Variants in TEX2 observed in about 807,000 individuals in gnomAD.
TEX2 encodes the protein testis expressed 2, also known as testis-expressed protein 2.
A neutral mutation model predicts 106.9 loss-of-function variants in TEX2; 53 were observed. That is an observed-to-expected ratio of 0.50 (90% CI 0.40 to 0.62). The LOEUF (loss-of-function observed/expected upper bound fraction) is 0.62. Ranked by LOEUF, TEX2 falls within the 20% of genes least tolerant of loss-of-function variation. The pLI is 0.00. For synonymous variants in TEX2, 523 were observed against 534.8 expected (o/e 0.98, Z 0.30); for missense variants, 1,207 against 1,379.0 (o/e 0.88, Z 1.98).
chr17:64,183,608 A>G (rs1262375189), intron 5 of TEX2, among the ~76,000 whole-genome samples: 1 of 151,990 alleles, frequency 6.6e-6, no homozygotes, highest in East Asian at 1.9e-4. Context: ...TTGTATTTTT[A>G]ATAGAGATGG....
At chr17:64,199,389 A>C (rs952389606) in intron 2 of TEX2, among the ~76,000 whole-genome samples, 2 of 152,108 alleles carry the variant, frequency 1.3e-5, no homozygotes, top group Admixed American at 1.3e-4. Context: ...GGTGTGTGCC[A>C]CCACGCCCGG....
intron 1 of TEX2, among the ~76,000 whole-genome samples, chr17:64,258,764 T>A (rs1598238022): frequency 1.7e-4 from 1 of 6,028 alleles, no homozygotes; most frequent in South Asian, 4.2e-3. Flanking sequence ...GAAGAGAGAC[T>A]TTTTTTTTTT....
In TEX2 at chr17:64,195,453, A is replaced by T. The variant is rs1356500184; in HGVS notation, c.1645-358T>A. ...GACCTCCTTTGGGGTGATTAATCCC[A>T]CCCAGTCTGGCCTTCTTAATTAGCT... On this transcript the variant is annotated intron_variant, in intron 2 of 11. Coordinates refer to ENST00000584379, the MANE Select transcript of TEX2 (RefSeq NM_001288732.2). This position sits in a 1 kb window ranked among gnomAD's most constrained non-coding sequence, Gnocchi z 4.1. Among the ~76,000 whole-genome samples the T allele has an allele frequency of 1.3e-5, 2 of 152,168 alleles. No homozygotes were observed. Among genetic ancestry groups the T allele is most frequent in the Non-Finnish European group, 2.9e-5 (2 of 68,028 alleles).
intron 1 of TEX2, among the ~76,000 whole-genome samples, chr17:64,224,818 T>A (rs1598202948): frequency 6.6e-6 from 1 of 152,106 alleles, no homozygotes; most frequent in East Asian, 1.9e-4. Flanking sequence ...AATTTTGCTT[T>A]ATAGATTGCT....
At chr17:64,253,401 G>A (rs1256611054) in intron 1 of TEX2, among the ~76,000 whole-genome samples, 2 of 151,062 alleles carry the variant, frequency 1.3e-5, no homozygotes, top group Non-Finnish European at 2.9e-5. Flanking sequence ...CTGGGCTCAG[G>A]CAGTCCTCCC....
chr17:64,214,277 G>C (rs1313902359), intron 1 of TEX2, 35 bp from the exon 2 acceptor site: 1 of 1,543,866 alleles, frequency 6.5e-7, no homozygotes, highest in Non-Finnish European at 8.8e-7. Flanking sequence ...AAGTCAGAGA[G>C]CAGTTTCTCC....
chr17:64,190,494 A>G (rs2032255740), intron 4 of TEX2, among the ~76,000 whole-genome samples: 1 of 151,246 alleles, frequency 6.6e-6, no homozygotes, highest in African/African-American at 2.4e-5. Flanking sequence ...GAGGAAAGGA[A>G]CCCCCTACGA....
Position 64,216,837 on chromosome 17 carries a change from G to A in TEX2, c.-25-2595C>T, listed in dbSNP as rs543577052. Among the ~76,000 whole-genome samples the A allele has an allele frequency of 4.6e-5, 7 of 152,230 alleles. No homozygotes were observed. In the South Asian group the frequency reaches 6.2e-4, roughly 14 times the overall value. ...AAAGCGACCTCTGATCAGACTGGGC[G>A]GACAGAGCTGAAGGTGGGCCCCAGG... On this transcript the variant is annotated intron_variant, in intron 1 of 11. Coordinates refer to ENST00000584379, the MANE Select transcript of TEX2 (RefSeq NM_001288732.2).
chr17:64,169,741 C>T (rs1439551670), intron 7 of TEX2, among the ~76,000 whole-genome samples: 1 of 152,206 alleles, frequency 6.6e-6, no homozygotes, highest in African/African-American at 2.4e-5. Flanking sequence ...CCATCTGATA[C>T]AGCCAGAGAG....
intron 5 of TEX2, among the ~76,000 whole-genome samples, chr17:64,180,168 T>C (rs1202174039): frequency 3.9e-5 from 6 of 152,206 alleles, no homozygotes; most frequent in Non-Finnish European, 8.8e-5. Flanking sequence ...ACTAAGTTGC[T>C]GCCCACGTAA....
At chr17:64,170,622 CTTTTTTTTTTT>C (rs71156002) in intron 7 of TEX2, among the ~76,000 whole-genome samples, 3 of 73,740 alleles carry the variant, frequency 4.1e-5, no homozygotes, top group Non-Finnish European at 7.1e-5. Context: ...TATTCCAAAT[CTTTTTTTTTTT>C]TTTTTTTTTT....
chr17:64,215,984 G>A (rs2033175412), intron 1 of TEX2, among the ~76,000 whole-genome samples: 1 of 152,182 alleles, frequency 6.6e-6, no homozygotes, highest in Non-Finnish European at 1.5e-5. Context: ...GGGCCCAGCT[G>A]CAACATGGAC....
chr17:64,179,328 C>G (rs9915286), intron 5 of TEX2, among the ~76,000 whole-genome samples: 108,176 of 151,894 alleles, frequency 0.71, 38,614 homozygotes, highest in East Asian at 0.83. Context: ...AGTAGCCAAT[C>G]GCAGAGAGGA....
chr17:64,251,080 G>A (rs1567969930), intron 1 of TEX2, among the ~76,000 whole-genome samples: 1 of 152,204 alleles, frequency 6.6e-6, no homozygotes, highest in South Asian at 2.1e-4. Flanking sequence ...TTTTCCTTTG[G>A]GGCTAGGTGC....
chr17:64,172,676 C>T (rs1252535063), intron 6 of TEX2, among the ~76,000 whole-genome samples: 2 of 152,178 alleles, frequency 1.3e-5, no homozygotes, highest in African/African-American at 4.8e-5. Flanking sequence ...AGTAACAGCT[C>T]CCACTTCTGC....
At chr17:64,156,551 C>T (rs1320810230) in intron 8 of TEX2, among the ~76,000 whole-genome samples, 1 of 152,188 alleles carries the variant, frequency 6.6e-6, no homozygotes, top group Non-Finnish European at 1.5e-5. Flanking sequence ...AGGCAGCCCT[C>T]ACAGGAATCT....
intron 2 of TEX2, among the ~76,000 whole-genome samples, chr17:64,204,026 T>C (rs2032753829): frequency 6.6e-6 from 1 of 152,258 alleles, no homozygotes; most frequent in Non-Finnish European, 1.5e-5. Context: ...TGATCTCAGA[T>C]GAACCACTGA....
chr17:64,238,128 C>T (rs1355316674), intron 1 of TEX2, among the ~76,000 whole-genome samples: 1 of 151,996 alleles, frequency 6.6e-6, no homozygotes, highest in Admixed American at 6.5e-5. Flanking sequence ...GGTGAAACCC[C>T]GTCTCTACTA....
Position 64,205,084 on chromosome 17 carries a change from G to A in TEX2, c.1644+7490C>T, listed in dbSNP as rs1326115940. On this transcript the variant is annotated intron_variant, in intron 2 of 11. Coordinates refer to ENST00000584379, the MANE Select transcript of TEX2 (RefSeq NM_001288732.2). The surrounding 1 kb of genome is among the most constrained non-coding windows in gnomAD (Gnocchi z 4.0). ...TGTTCCTATGGAATTCAGGAAGCAC[G>A]TTCCACACAGCTGCCTCTCCAACTT... 2.6e-5 allele frequency among the ~76,000 whole-genome samples: 4 copies of A among 152,186 alleles called. No individual in the cohort carries two copies. The highest frequency in any genetic ancestry group is 5.9e-5 in the Non-Finnish European group (4 of 68,040).
Sources: allele counts gnomAD v4.1 joint callset (sites outside exome capture counted in the v4.1 genomes callset), GRCh38; gene constraint gnomAD v4.1.1; non-coding constraint Gnocchi (gnomAD v3.1); transcripts MANE v1.5; gene names NCBI Gene and HGNC (gene_info 2026-07-23, HGNC 2026-07-21).